Variants in CADPS2 observed in about 807,000 individuals in gnomAD.
The protein encoded by CADPS2 is calcium dependent secretion activator 2, also known as calcium-dependent secretion activator 2.
Under a neutral mutation model 172.5 loss-of-function variants are expected in CADPS2, and 93 were observed. That is an observed-to-expected ratio of 0.54 (90% CI 0.46 to 0.64). The LOEUF (loss-of-function observed/expected upper bound fraction) is 0.64. Among genes scored for constraint, CADPS2 ranks in the 30% least tolerant of loss-of-function variants. The probability of loss-of-function intolerance (pLI) is 0.00; values close to 1 mark genes in which losing one functional copy is unlikely to be tolerated. For synonymous variants in CADPS2, 546 were observed against 555.2 expected, an observed-to-expected ratio of 0.98 and a Z score of 0.23; for missense variants, 1,420 against 1,565.9, an observed-to-expected ratio of 0.91 and a Z score of 1.57.
chr7:122,631,228 C>G (rs950257861), intron 3 of CADPS2, among the ~76,000 whole-genome samples: 5 of 152,060 alleles, frequency 3.3e-5, no homozygotes, highest in Admixed American at 6.6e-5. Flanking sequence ...TAAAAAGTTA[C>G]TTGCATATAA....
intron 8 of CADPS2, among the ~76,000 whole-genome samples, chr7:122,546,954 A>G (rs764310898): frequency 1.1e-4 from 17 of 152,168 alleles, no homozygotes; most frequent in Non-Finnish European, 2.5e-4. Context: ...AATTGACAGA[A>G]TAAATACTGA....
At chr7:122,321,795 A>C (rs928683406) in intron 29 of CADPS2, among the ~76,000 whole-genome samples, 2 of 152,210 alleles carry the variant, frequency 1.3e-5, no homozygotes, top group Non-Finnish European at 2.9e-5. Context: ...CACTTTTTAA[A>C]GTGTAATCTT....
At position 122,462,025 on chromosome 7, in the gene CADPS2, C is replaced by T. The variant is rs1431299249; in HGVS notation, c.2186+9350G>A. 2.0e-5 allele frequency among the ~76,000 whole-genome samples: 3 copies of T among 152,058 alleles called. No homozygotes were observed. In the East Asian group the frequency reaches 5.8e-4, roughly 29 times the overall value. On this transcript the variant is annotated intron_variant, in intron 14 of 29. Coordinates refer to ENST00000449022, the MANE Select transcript of CADPS2 (RefSeq NM_017954.11). ...CTTTCTTTGAAAAAATAGGATGAAA[C>T]AAAAGAAATTCCCAATAACAATTCA...
intron 2 of CADPS2, among the ~76,000 whole-genome samples, chr7:122,681,835 T>C (rs1235583923): frequency 6.6e-6 from 1 of 151,934 alleles, no homozygotes; most frequent in African/African-American, 2.4e-5. Context: ...GAACTGTCTA[T>C]GCCTTCTTAC....
At chr7:122,816,990 C>T (rs1346645941) in intron 1 of CADPS2, among the ~76,000 whole-genome samples, 5 of 151,384 alleles carry the variant, frequency 3.3e-5, no homozygotes, top group Non-Finnish European at 7.4e-5. Flanking sequence ...CCCACTCCTG[C>T]CCGCCAGAGA....
At chr7:122,710,797 C>G (rs552869157) in intron 2 of CADPS2, among the ~76,000 whole-genome samples, 1 of 152,066 alleles carries the variant, frequency 6.6e-6, no homozygotes, top group African/African-American at 2.4e-5. Flanking sequence ...TTAATTTTGC[C>G]TTATATTATA....
chr7:122,386,032 G>T (rs374498678), intron 24 of CADPS2, among the ~76,000 whole-genome samples: 1 of 151,936 alleles, frequency 6.6e-6, no homozygotes, highest in Non-Finnish European at 1.5e-5. Context: ...ATTCTAAGAG[G>T]AGTTTATAAA....
At chr7:122,464,634 A>T (rs879611878) in intron 14 of CADPS2, among the ~76,000 whole-genome samples, 4 of 152,304 alleles carry the variant, frequency 2.6e-5, no homozygotes, top group Non-Finnish European at 5.9e-5. Context: ...AGGGTATTTC[A>T]TCTCTTTACA....
intron 3 of CADPS2, among the ~76,000 whole-genome samples, chr7:122,645,523 T>G (rs1328253191): frequency 1.6e-5 from 2 of 126,070 alleles, no homozygotes; most frequent in Non-Finnish European, 3.4e-5. Flanking sequence ...CTTATATATA[T>G]ATAAGTATAT....
chr7:122,471,605 TA>T (rs1438330504), intron 13 of CADPS2, 43 bp from the exon 14 acceptor site: 24 of 1,486,330 alleles, frequency 1.6e-5, no homozygotes, highest in Non-Finnish European at 2.2e-5. Flanking sequence ...TTTTTCTTTC[TA>T]TACTACGATT....
intron 8 of CADPS2, among the ~76,000 whole-genome samples, chr7:122,547,447 A>C (rs1389979104): frequency 1.3e-5 from 2 of 152,202 alleles, no homozygotes; most frequent in Non-Finnish European, 2.9e-5. Flanking sequence ...ATTTGAAGTT[A>C]ATATCCAAAC....
chr7:122,615,058 G>A, intron 6 of CADPS2, 123 bp downstream of exon 6: 1 of 494,304 alleles, frequency 2.0e-6, no homozygotes, highest in South Asian at 4.6e-5. Context: ...TTGAGACAAA[G>A]TTAGCCAAAT....
intron 1 of CADPS2, among the ~76,000 whole-genome samples, chr7:122,759,126 A>G (rs2093284582): frequency 6.6e-6 from 1 of 152,140 alleles, no homozygotes; most frequent in Admixed American, 6.6e-5. Context: ...TTTTCCCTCT[A>G]AGTGGAGAAT....
At chr7:122,821,123 GAT>G (rs1803134856) in intron 1 of CADPS2, among the ~76,000 whole-genome samples, 1 of 151,044 alleles carries the variant, frequency 6.6e-6, no homozygotes, top group Non-Finnish European at 1.5e-5. Flanking sequence ...CATTATTCCT[GAT>G]ACCACACCTG....
chr7:122,720,139 C>T (rs528190061), intron 2 of CADPS2, among the ~76,000 whole-genome samples: 44 of 151,916 alleles, frequency 2.9e-4, no homozygotes, highest in Admixed American at 2.4e-3. Flanking sequence ...ACCAATAGAA[C>T]GTCATACTAA....
intron 24 of CADPS2, among the ~76,000 whole-genome samples, chr7:122,381,501 G>A (rs2042993496): frequency 6.6e-6 from 1 of 152,064 alleles, no homozygotes; most frequent in Admixed American, 6.6e-5. Flanking sequence ...GTGATCAAAT[G>A]TCATCAGAAA....
intron 22 of CADPS2, among the ~76,000 whole-genome samples, chr7:122,389,241 A>T (rs561002600): frequency 6.6e-6 from 1 of 152,160 alleles, no homozygotes; most frequent in East Asian, 1.9e-4. Flanking sequence ...TAAAGATGAG[A>T]CAGGAACTGG....
At chr7:122,730,348 A>G (rs903797892) in intron 2 of CADPS2, among the ~76,000 whole-genome samples, 3 of 151,752 alleles carry the variant, frequency 2.0e-5, no homozygotes, top group African/African-American at 7.2e-5. Flanking sequence ...TATGGTAGAA[A>G]AACCTGTTAC....
intron 1 of CADPS2, among the ~76,000 whole-genome samples, chr7:122,781,424 T>C (rs939917199): frequency 1.3e-5 from 2 of 152,284 alleles, no homozygotes; most frequent in East Asian, 3.9e-4. Context: ...GTGTTTCTAC[T>C]AGCCCCTAAA....
Sources: allele counts gnomAD v4.1 joint callset (sites outside exome capture counted in the v4.1 genomes callset), GRCh38; gene constraint gnomAD v4.1.1; transcripts MANE v1.5; gene names NCBI Gene and HGNC (gene_info 2026-07-23, HGNC 2026-07-21).